The following OXR1 variants were observed in gnomAD, a reference collection of about 807,000 sequenced individuals.
OXR1 encodes the protein oxidation resistance protein 1.
In OXR1, 41 loss-of-function variants were observed where a neutral mutation model predicts 104.6. That is an observed-to-expected ratio of 0.39 (90% confidence interval 0.31 to 0.51). The LOEUF is 0.51. Ranked by LOEUF, OXR1 falls within the 20% of genes least tolerant of loss-of-function variation. The pLI is 0.77. For missense variants in OXR1, 955 were observed against 1,031.9 expected (o/e 0.93, Z 1.02); for synonymous variants, 348 against 348.4 (o/e 1.00, Z 0.01).
intron 2 of OXR1, among the ~76,000 whole-genome samples, chr8:106,412,575 C>A (rs1370633172): frequency 6.8e-6 from 1 of 147,694 alleles, no homozygotes; most frequent in Non-Finnish European, 1.5e-5. Context: ...AGTTCCGGAA[C>A]AACCATTATC....
At chr8:106,570,623 A>T (rs929739193) in intron 3 of OXR1, among the ~76,000 whole-genome samples, 45 of 152,190 alleles carry the variant, frequency 3.0e-4, no homozygotes, top group Non-Finnish European at 1.3e-4. Context: ...ACCCTTTTCC[A>T]TCCTGTGAGA....
chr8:106,670,671 T>C (rs1229204845), intron 3 of OXR1, among the ~76,000 whole-genome samples: 2 of 152,040 alleles, frequency 1.3e-5, no homozygotes, highest in African/African-American at 4.8e-5. Context: ...GAGGAAAGAA[T>C]TCCCTAACTG....
At chr8:106,733,948 G>T (rs1439684433) in intron 11 of OXR1, among the ~76,000 whole-genome samples, 1 of 149,356 alleles carries the variant, frequency 6.7e-6, no homozygotes, top group Non-Finnish European at 1.5e-5. Context: ...TTTAAATGCA[G>T]ATTTTTTCAA....
intron 2 of OXR1, among the ~76,000 whole-genome samples, chr8:106,488,710 G>T (rs1322773341): frequency 2.1e-5 from 3 of 141,884 alleles, no homozygotes; most frequent in African/African-American, 5.3e-5. Context: ...TTTTTCTCAG[G>T]TTTGTCAAAG....
intron 3 of OXR1, among the ~76,000 whole-genome samples, chr8:106,641,635 A>G (rs1308178327): frequency 6.6e-6 from 1 of 152,178 alleles, no homozygotes; most frequent in Admixed American, 6.5e-5. Flanking sequence ...TCTGGCAAAC[A>G]AAGTCATGAG....
At chr8:106,473,149 G>T (rs12547275) in intron 2 of OXR1, among the ~76,000 whole-genome samples, 20,099 of 151,830 alleles carry the variant, frequency 0.13, 1,569 homozygotes, top group East Asian at 0.35. Context: ...TGGATTCTTG[G>T]TTGGAAGCTC....
At chr8:106,696,529 T>C (rs1830049683) in intron 7 of OXR1, among the ~76,000 whole-genome samples, 1 of 152,174 alleles carries the variant, frequency 6.6e-6, no homozygotes, top group Non-Finnish European at 1.5e-5. Context: ...GTTAGCTTAG[T>C]AAGAAACTGA....
intron 2 of OXR1, among the ~76,000 whole-genome samples, chr8:106,435,956 T>C (rs1819549038): frequency 6.6e-6 from 1 of 152,138 alleles, no homozygotes; most frequent in Non-Finnish European, 1.5e-5. Flanking sequence ...AAAGTAGAGC[T>C]TTATATTCTG....
chr8:106,679,144 C>T, intron 3 of OXR1, 66 bp from the exon 4 acceptor site: 12 of 915,944 alleles, frequency 1.3e-5, no homozygotes, highest in Middle Eastern at 4.3e-4. Context: ...GAGCTCTATT[C>T]AGTAGTCCTT....
At chr8:106,287,241 A>G (rs2130020280) in intron 1 of OXR1, among the ~76,000 whole-genome samples, 1 of 152,338 alleles carries the variant, frequency 6.6e-6, no homozygotes, top group Admixed American at 6.5e-5. Context: ...ACATGTATAA[A>G]TTAGGATTGT....
intron 1 of OXR1, among the ~76,000 whole-genome samples, chr8:106,322,416 C>T (rs1199536127): frequency 6.6e-5 from 10 of 152,144 alleles, no homozygotes; most frequent in Admixed American, 5.2e-4. Context: ...CAAGAGCCAT[C>T]TATATCAAGC....
chr8:106,434,907 T>C (rs1317595944), intron 2 of OXR1, among the ~76,000 whole-genome samples: 1 of 152,046 alleles, frequency 6.6e-6, no homozygotes. Flanking sequence ...AGGATAGAGA[T>C]AATAATAAAC....
At chr8:106,374,769 CA>C (rs1362589655) in intron 2 of OXR1, among the ~76,000 whole-genome samples, 1 of 152,128 alleles carries the variant, frequency 6.6e-6, no homozygotes, top group Non-Finnish European at 1.5e-5. Context: ...TATAAACAGC[CA>C]GATTCACCAG....
At chr8:106,513,445 T>C (rs1342953006) in intron 2 of OXR1, among the ~76,000 whole-genome samples, 1 of 152,060 alleles carries the variant, frequency 6.6e-6, no homozygotes, top group Non-Finnish European at 1.5e-5. Flanking sequence ...AGGTGATCTA[T>C]CTGATGGGTT....
At chr8:106,415,014 G>A (rs542197898) in intron 2 of OXR1, among the ~76,000 whole-genome samples, 2 of 152,168 alleles carry the variant, frequency 1.3e-5, no homozygotes, top group African/African-American at 4.8e-5. Flanking sequence ...TACTGTGAGG[G>A]GTGATGGCCT....
intron 1 of OXR1, among the ~76,000 whole-genome samples, chr8:106,311,860 T>C (rs1258681839): frequency 1.3e-5 from 2 of 152,196 alleles, no homozygotes; most frequent in Admixed American, 6.5e-5. Context: ...AAGTTAGTTG[T>C]TTTTTATCTT....
intron 3 of OXR1, among the ~76,000 whole-genome samples, chr8:106,538,562 C>A (rs924075164): frequency 4.6e-5 from 7 of 152,082 alleles, no homozygotes; most frequent in African/African-American, 1.7e-4. Flanking sequence ...TAATTCTAAC[C>A]ATTCATCACA....
chr8:106,450,092 T>G (rs1305652640), intron 2 of OXR1, among the ~76,000 whole-genome samples: 2 of 152,194 alleles, frequency 1.3e-5, no homozygotes, highest in African/African-American at 4.8e-5. Context: ...GAATCATAAT[T>G]TATTCATGCA....
chr8:106,676,411 G>A (rs1218950163), intron 3 of OXR1, among the ~76,000 whole-genome samples: 1 of 152,070 alleles, frequency 6.6e-6, no homozygotes, highest in African/African-American at 2.4e-5. Context: ...CCTGGTCTGT[G>A]TACTTCATTG....
Sources: gnomAD v4.1 joint callset for allele counts (sites outside exome capture counted in the v4.1 genomes callset) on GRCh38, gnomAD v4.1.1 for gene constraint, MANE v1.5 for transcripts, NCBI Gene and HGNC (gene_info 2026-07-23, HGNC 2026-07-21) for gene names.